Variants in SLC68A1 observed in about 807,000 individuals in gnomAD.
SLC68A1 encodes solute carrier family 68 member 1, also known as major facilitator superfamily domain containing 13A.
the SLC68A1 span, chr10:102,475,859 AC>A: frequency 3.1e-6 from 5 of 1,613,836 alleles, no homozygotes; most frequent in Non-Finnish European, 4.2e-6. Context: ...GGTGCCCATC[AC>A]CTGTGCTCTG....
the SLC68A1 span, among the ~76,000 whole-genome samples, chr10:102,474,525 A>G: frequency 0.017 from 2,633 of 152,256 alleles, 45 homozygotes; most frequent in Middle Eastern, 0.051. Flanking sequence ...AGGCAGAGGG[A>G]ACAGCAGGCG....
the SLC68A1 span, among the ~76,000 whole-genome samples, chr10:102,465,200 A>C: frequency 6.6e-6 from 1 of 151,968 alleles, no homozygotes; most frequent in African/African-American, 2.4e-5. Context: ...CAGAGGTTGC[A>C]GTGAGCCTAG....
At chr10:102,463,830 T>C in the SLC68A1 span, among the ~76,000 whole-genome samples, 1 of 152,208 alleles carries the variant, frequency 6.6e-6, no homozygotes, top group African/African-American at 2.4e-5. Context: ...ATACCCTGTA[T>C]GGCTGAGGAA....
At chr10:102,471,196 T>C in the SLC68A1 span, 1 of 1,600,056 alleles carries the variant, frequency 6.2e-7, no homozygotes, top group East Asian at 2.2e-5. Context: ...CCCCGGCTGA[T>C]GGGGGCTGCC....
chr10:102,470,651 C>G, the SLC68A1 span: 1 of 1,601,732 alleles, frequency 6.2e-7, no homozygotes, highest in Admixed American at 1.7e-5. Context: ...CAACAACTCT[C>G]CTTTCCCCGG....
At chr10:102,472,404 A>T in the SLC68A1 span, among the ~76,000 whole-genome samples, 1 of 152,100 alleles carries the variant, frequency 6.6e-6, no homozygotes, top group Non-Finnish European at 1.5e-5. Flanking sequence ...CTGGGATTAT[A>T]GGCATGCAAC....
the SLC68A1 span, among the ~76,000 whole-genome samples, chr10:102,464,814 A>G: frequency 1.3e-5 from 2 of 150,910 alleles, no homozygotes; most frequent in Admixed American, 1.3e-4. Flanking sequence ...AAGAGGAAAA[A>G]GAAAAAGAAA....
chr10:102,469,013 A>AGGCTGGGGCTGC, the SLC68A1 span: 1 of 1,606,370 alleles, frequency 6.2e-7, no homozygotes, highest in Admixed American at 1.7e-5. Context: ...CCTGGGGCTA[A>AGGCTGGGGCTGC]GGCTGGGGCT....
At chr10:102,468,788 G>T in the SLC68A1 span, 1 of 431,524 alleles carries the variant, frequency 2.3e-6, no homozygotes, top group Non-Finnish European at 4.2e-6. Flanking sequence ...CAGATTAGTG[G>T]TGTCTAGCTC....
At chr10:102,471,441 C>T in the SLC68A1 span, 1 of 1,595,368 alleles carries the variant, frequency 6.3e-7, no homozygotes, top group Non-Finnish European at 8.6e-7. Flanking sequence ...GGCTGGACTT[C>T]ACTCAAGGGG....
the SLC68A1 span, among the ~76,000 whole-genome samples, chr10:102,474,905 C>G: frequency 6.6e-6 from 1 of 151,940 alleles, no homozygotes; most frequent in African/African-American, 2.4e-5. Flanking sequence ...ACCTTGGCCT[C>G]CCAAAGTGCT....
the SLC68A1 span, among the ~76,000 whole-genome samples, chr10:102,474,227 C>A: frequency 7.2e-5 from 11 of 152,210 alleles, no homozygotes; most frequent in Admixed American, 7.2e-4. Context: ...GGAATCCCTT[C>A]TCTGCAGGTC....
the SLC68A1 span, chr10:102,476,075 GT>G: frequency 0.046 from 50,436 of 1,094,482 alleles, 4 homozygotes; most frequent in East Asian, 0.079. Flanking sequence ...GGATTTCATA[GT>G]TTTTTTTTTT....
chr10:102,472,787 G>C, the SLC68A1 span: 1 of 1,209,938 alleles, frequency 8.3e-7, no homozygotes, highest in Non-Finnish European at 1.2e-6. Context: ...GTGTTCCCCT[G>C]TTGGCTTCTG....
the SLC68A1 span, chr10:102,468,880 A>T: frequency 1.6e-6 from 1 of 627,656 alleles, no homozygotes; most frequent in Non-Finnish European, 2.8e-6. Context: ...ATGAGTTTTT[A>T]AATGATTCAG....
chr10:102,471,557 C>T, the SLC68A1 span, among the ~76,000 whole-genome samples: 1 of 151,992 alleles, frequency 6.6e-6, no homozygotes, highest in Admixed American at 6.6e-5. Context: ...GACAGGGGTT[C>T]GAGACCAGCC....
chr10:102,466,907 A>G, the SLC68A1 span, among the ~76,000 whole-genome samples: 32 of 152,372 alleles, frequency 2.1e-4, no homozygotes, highest in South Asian at 6.4e-3. Flanking sequence ...GCACCTTTAG[A>G]GAGCGTCTCA....
At chr10:102,467,979 A>G in the SLC68A1 span, among the ~76,000 whole-genome samples, 1 of 151,972 alleles carries the variant, frequency 6.6e-6, no homozygotes, top group Non-Finnish European at 1.5e-5. Flanking sequence ...TTTTATAAGC[A>G]TAGGATGGGG....
chr10:102,476,580 C>A, the SLC68A1 span: 18 of 986,090 alleles, frequency 1.8e-5, 1 homozygote, highest in African/African-American at 1.9e-4. Flanking sequence ...GCGGGTAGCT[C>A]CTGGGGCTGA....
Sources: allele counts gnomAD v4.1 joint callset (sites outside exome capture counted in the v4.1 genomes callset), GRCh38; gene constraint gnomAD v4.1.1; transcripts MANE v1.5; gene names NCBI Gene and HGNC (gene_info 2026-07-23, HGNC 2026-07-21).